Variants in CSMD1 observed in about 807,000 individuals in gnomAD.
The protein encoded by CSMD1 is CUB and sushi domain-containing protein 1.
CSMD1 carries 213 observed loss-of-function variants against 417.5 expected under a neutral mutation model. The observed-to-expected ratio is 0.51, with a 90% confidence interval of 0.46 to 0.57. The LOEUF is 0.57. Among genes scored for constraint, CSMD1 ranks in the 20% least tolerant of loss-of-function variants. The pLI is 0.00. For synonymous variants in CSMD1, 2,862 were observed against 1,736.8 expected, an observed-to-expected ratio of 1.65 and a Z score of -16.11; for missense variants, 6,923 against 4,529.7, an observed-to-expected ratio of 1.53 and a Z score of -15.17.
At chr8:3,512,971 G>A (rs112357103) in intron 10 of CSMD1, among the ~76,000 whole-genome samples, 40 of 152,230 alleles carry the variant, frequency 2.6e-4, no homozygotes, top group African/African-American at 9.1e-4. Context: ...AATATAGAAA[G>A]AAGTCTCCGT....
At chr8:3,588,546 C>A (rs2117011975) in intron 8 of CSMD1, among the ~76,000 whole-genome samples, 1 of 152,236 alleles carries the variant, frequency 6.6e-6, no homozygotes, top group Admixed American at 6.5e-5. Flanking sequence ...CTGCAGCACA[C>A]CAATCCTTAG....
At chr8:3,810,135 A>G (rs1233777267) in intron 5 of CSMD1, among the ~76,000 whole-genome samples, 1 of 152,150 alleles carries the variant, frequency 6.6e-6, no homozygotes, top group Non-Finnish European at 1.5e-5. Flanking sequence ...GAGTGCTCCC[A>G]GGCCCCAACT....
chr8:4,743,553 A>G (rs1425072604), intron 1 of CSMD1, among the ~76,000 whole-genome samples: 22 of 152,200 alleles, frequency 1.4e-4, no homozygotes, highest in Non-Finnish European at 1.5e-5. Context: ...GTCAACCGTC[A>G]TTAACCACAG....
At chr8:3,835,727 A>G (rs200132832) in intron 5 of CSMD1, among the ~76,000 whole-genome samples, 8 of 150,964 alleles carry the variant, frequency 5.3e-5, no homozygotes, top group African/African-American at 1.9e-4. Context: ...TAACAAAAAA[A>G]AAAAAAAAGA....
chr8:4,885,819 A>G (rs1287855959), intron 1 of CSMD1, among the ~76,000 whole-genome samples: 1 of 151,978 alleles, frequency 6.6e-6, no homozygotes, highest in Non-Finnish European at 1.5e-5. Flanking sequence ...AATCCAATTT[A>G]TATATGTATT....
At chr8:3,969,444 G>A (rs1336997265) in intron 5 of CSMD1, among the ~76,000 whole-genome samples, 2 of 152,042 alleles carry the variant, frequency 1.3e-5, no homozygotes, top group African/African-American at 4.8e-5. Flanking sequence ...GGTGGTCATG[G>A]TCACTAGTGT....
intron 5 of CSMD1, among the ~76,000 whole-genome samples, chr8:3,817,985 T>C (rs748363498): frequency 4.8e-4 from 73 of 152,212 alleles, no homozygotes; most frequent in Non-Finnish European, 7.9e-4. Flanking sequence ...ACTTGTATTT[T>C]AAGAAAAAGC....
chr8:2,979,705 G>A (rs1037021640), intron 54 of CSMD1, among the ~76,000 whole-genome samples: 1 of 152,198 alleles, frequency 6.6e-6, no homozygotes, highest in South Asian at 2.1e-4. Context: ...TTCAAAAAAG[G>A]AAGGCAGAGG....
intron 7 of CSMD1, among the ~76,000 whole-genome samples, chr8:3,692,971 G>A (rs1205294819): frequency 6.6e-6 from 1 of 151,948 alleles, no homozygotes; most frequent in African/African-American, 2.4e-5. Flanking sequence ...TGATTAACTT[G>A]GATATGACTT....
At chr8:3,260,431 A>G (rs1354722794) in intron 26 of CSMD1, among the ~76,000 whole-genome samples, 1 of 152,032 alleles carries the variant, frequency 6.6e-6, no homozygotes, top group East Asian at 1.9e-4. Context: ...CTCCAGCCCC[A>G]TCGGGGTGCA....
At chr8:4,167,261 G>A (rs1225738692) in intron 3 of CSMD1, among the ~76,000 whole-genome samples, 1 of 152,128 alleles carries the variant, frequency 6.6e-6, no homozygotes, top group African/African-American at 2.4e-5. Flanking sequence ...GAGAAAAACA[G>A]TTTTTCCTTG....
intron 2 of CSMD1, among the ~76,000 whole-genome samples, chr8:4,556,570 T>C (rs1201401376): frequency 6.6e-6 from 1 of 152,160 alleles, no homozygotes; most frequent in East Asian, 1.9e-4. Context: ...TACCTACTTG[T>C]CTAAATAGCA....
chr8:4,172,268 C>T (rs7014737), intron 3 of CSMD1, among the ~76,000 whole-genome samples: 3,398 of 152,206 alleles, frequency 0.022, 141 homozygotes, highest in African/African-American at 0.076. Context: ...GTCTGGAATC[C>T]TCTTTGTTTC....
At chr8:4,956,781 G>A (rs4458898) in intron 1 of CSMD1, among the ~76,000 whole-genome samples, 51,172 of 151,976 alleles carry the variant, frequency 0.34, 9,080 homozygotes, top group Non-Finnish European at 0.38. Context: ...AACAGGACAA[G>A]TTCACCTTCC....
At chr8:3,496,686 C>G (rs1170807854) in intron 10 of CSMD1, among the ~76,000 whole-genome samples, 1 of 152,056 alleles carries the variant, frequency 6.6e-6, no homozygotes, top group Non-Finnish European at 1.5e-5. Flanking sequence ...ATTAGCCTGG[C>G]ATGGTGGCGT....
chr8:4,568,252 T>G (rs1204532949), intron 2 of CSMD1, among the ~76,000 whole-genome samples: 4 of 152,062 alleles, frequency 2.6e-5, no homozygotes, highest in Non-Finnish European at 5.9e-5. Flanking sequence ...ACATTAGGGA[T>G]TTCCCCTAAT....
chr8:4,542,847 A>G (rs1453488519), intron 2 of CSMD1, among the ~76,000 whole-genome samples: 4 of 152,194 alleles, frequency 2.6e-5, no homozygotes, highest in Non-Finnish European at 4.4e-5. Context: ...TAAAGAAAAA[A>G]GTTTTTTTCA....
At chr8:4,423,273 A>C (rs992310728) in intron 2 of CSMD1, among the ~76,000 whole-genome samples, 1 of 152,100 alleles carries the variant, frequency 6.6e-6, no homozygotes, top group African/African-American at 2.4e-5. Context: ...TAAAATTACT[A>C]CTATTTGAAG....
At chr8:4,012,378 C>T (rs1036866823) in intron 4 of CSMD1, among the ~76,000 whole-genome samples, 1 of 152,090 alleles carries the variant, frequency 6.6e-6, no homozygotes, top group African/African-American at 2.4e-5. Context: ...CATTCATTGC[C>T]TTGTTGATCT....
Sources: gnomAD v4.1 joint callset for allele counts (sites outside exome capture counted in the v4.1 genomes callset) on GRCh38, gnomAD v4.1.1 for gene constraint, MANE v1.5 for transcripts, NCBI Gene and HGNC (gene_info 2026-07-23, HGNC 2026-07-21) for gene names.